SLC12A8: variants seen among roughly 807,000 people sequenced by gnomAD.
The protein encoded by SLC12A8 is cation-chloride cotransporter 9.
Under a neutral mutation model 75.6 loss-of-function variants are expected in SLC12A8, and 69 were observed. The ratio of observed to expected loss-of-function variants is 0.91; its 90% CI spans 0.75 to 1.11. The LOEUF (loss-of-function observed/expected upper bound fraction) is 1.11, where lower values mean the gene tolerates loss of function less well. SLC12A8 is among the 50% of genes most tolerant of loss of function. The pLI is 0.00. For synonymous variants in SLC12A8, 365 were observed against 372.8 expected (o/e 0.98, Z 0.24); for missense variants, 877 against 896.7 (o/e 0.98, Z 0.28).
Position 125,092,106 on chromosome 3 carries a change from A to C in SLC12A8, c.1798T>G (p.Leu600Val). The stretch of plus-strand genomic sequence containing the variant: ...ATCAAGATGAAGTTACTCACCCCCA[A>C]CAGGGAGACCCAGGGGTTGCACATG... Reference protein sequence around the residue: ...THMCNPWVSLLGAVGSLLIMF... With the variant: ...THMCNPWVSLVGAVGSLLIMF... Residue 600 changes from leucine to valine, a missense_variant, in exon 11 of 14, where the codon TTG (leucine) becomes GTG (valine). Physicochemically the swap from Leu to Val is conservative, Grantham distance 32. Coordinates refer to ENST00000469902, the MANE Select transcript of SLC12A8 (RefSeq NM_024628.6). 2.5e-6 allele frequency: 4 copies of C among 1,609,040 alleles called. No homozygotes were observed. The highest frequency in any genetic ancestry group is 2.6e-6 in the Non-Finnish European group (3 of 1,175,834).
At chr3:125,199,155 T>G (rs896501467) in intron 2 of SLC12A8, among the ~76,000 whole-genome samples, 1 of 152,154 alleles carries the variant, frequency 6.6e-6, no homozygotes, top group African/African-American at 2.4e-5. Flanking sequence ...ATTCTTGTTC[T>G]TAGGAAATAG....
chr3:125,136,459 C>A (rs576880859), intron 5 of SLC12A8, among the ~76,000 whole-genome samples: 2 of 152,312 alleles, frequency 1.3e-5, no homozygotes, highest in East Asian at 3.9e-4. Context: ...TATTCCTCCC[C>A]CCTCACTGCT....
chr3:125,143,372 T>C (rs1327182397), intron 5 of SLC12A8, among the ~76,000 whole-genome samples: 1 of 152,138 alleles, frequency 6.6e-6, no homozygotes, highest in Non-Finnish European at 1.5e-5. Context: ...TGCCTGGAGA[T>C]TTGGAAGAGG....
intron 10 of SLC12A8, among the ~76,000 whole-genome samples, chr3:125,102,507 T>C (rs1938907004): frequency 6.6e-6 from 1 of 152,128 alleles, no homozygotes; most frequent in Non-Finnish European, 1.5e-5. Flanking sequence ...TTTAGAAAGA[T>C]CATTCAGTGG....
At chr3:125,211,457 C>T in intron 1 of SLC12A8, 63 bp from the exon 2 acceptor site, 1 of 887,376 alleles carries the variant, frequency 1.1e-6, no homozygotes, top group Non-Finnish European at 1.9e-6. Context: ...TGTTGTCCAT[C>T]CTTTCTCTCT....
chr3:125,163,392 G>A (rs550287816), intron 5 of SLC12A8, among the ~76,000 whole-genome samples: 1 of 152,100 alleles, frequency 6.6e-6, no homozygotes, highest in East Asian at 1.9e-4. Context: ...CGGATCACGA[G>A]GTCGGGAGAT....
chr3:125,163,405 A>T (rs1299367097), intron 5 of SLC12A8, among the ~76,000 whole-genome samples: 1 of 151,940 alleles, frequency 6.6e-6, no homozygotes, highest in African/African-American at 2.4e-5. Context: ...CGGGAGATCG[A>T]GACCATCCTG....
intron 8 of SLC12A8, among the ~76,000 whole-genome samples, chr3:125,115,753 T>A (rs631640): frequency 2.6e-5 from 4 of 151,666 alleles, no homozygotes; most frequent in Admixed American, 1.3e-4. Flanking sequence ...TGGGAGCTGC[T>A]TGTGAACGAG....
intron 8 of SLC12A8, 163 bp from the exon 9 acceptor site, chr3:125,110,498 T>C: frequency 1.7e-6 from 1 of 592,478 alleles, no homozygotes; most frequent in East Asian, 2.9e-5. Flanking sequence ...CCCCATTCAT[T>C]CCATGGTTTC....
At chr3:125,164,258 G>C (rs758289349) in intron 5 of SLC12A8, among the ~76,000 whole-genome samples, 1 of 152,212 alleles carries the variant, frequency 6.6e-6, no homozygotes, top group Non-Finnish European at 1.5e-5. Context: ...GGAGTCAGGT[G>C]CCTCTGGGTT....
At chr3:125,166,433 G>A (rs1387715385) in intron 5 of SLC12A8, among the ~76,000 whole-genome samples, 1 of 152,078 alleles carries the variant, frequency 6.6e-6, no homozygotes, top group East Asian at 1.9e-4. Context: ...GCCAGTTTCC[G>A]TATTGGGACA....
At chr3:125,111,214 A>G (rs1939179561) in intron 8 of SLC12A8, among the ~76,000 whole-genome samples, 1 of 152,192 alleles carries the variant, frequency 6.6e-6, no homozygotes, top group African/African-American at 2.4e-5. Context: ...CTTGGTGCCC[A>G]ACACAGAAAT....
At chr3:125,182,090 CA>C (rs1934677075) in intron 4 of SLC12A8, among the ~76,000 whole-genome samples, 1 of 152,096 alleles carries the variant, frequency 6.6e-6, no homozygotes. Flanking sequence ...TTTGGGACAC[CA>C]AAGTGGGAGG....
At chr3:125,208,747 T>TACACACACAC (rs61130966) in intron 2 of SLC12A8, among the ~76,000 whole-genome samples, 16 of 87,428 alleles carry the variant, frequency 1.8e-4, no homozygotes, top group Non-Finnish European at 2.9e-4. Context: ...CTGACCAATC[T>TACACACACAC]ACACACACAC....
intron 4 of SLC12A8, among the ~76,000 whole-genome samples, chr3:125,185,004 G>A (rs1934741790): frequency 6.6e-6 from 1 of 152,050 alleles, no homozygotes; most frequent in South Asian, 2.1e-4. Context: ...ATATGCCGAT[G>A]CATTAGATAA....
chr3:125,205,011 G>C (rs963656039), intron 2 of SLC12A8, among the ~76,000 whole-genome samples: 1 of 152,014 alleles, frequency 6.6e-6, no homozygotes, highest in East Asian at 1.9e-4. Flanking sequence ...TACCACCAAA[G>C]ACCACCTCCT....
chr3:125,145,511 CTT>C (rs961015216), intron 5 of SLC12A8, among the ~76,000 whole-genome samples: 10 of 152,146 alleles, frequency 6.6e-5, no homozygotes, highest in African/African-American at 2.4e-4. Context: ...CACAGATGAA[CTT>C]TGAAGACCTC....
chr3:125,117,007 C>T (rs929131807), intron 8 of SLC12A8, among the ~76,000 whole-genome samples: 4 of 152,192 alleles, frequency 2.6e-5, no homozygotes, highest in Admixed American at 2.6e-4. Context: ...ACCTGGGGGT[C>T]TGTGACCTTG....
rs1933652009 is a variant in SLC12A8, at chr3:125,141,955, GACGCCCGAA to G, written c.623-6182_623-6174del. 2.0e-5 allele frequency among the ~76,000 whole-genome samples: 3 copies of G among 152,112 alleles called. No individual in the cohort carries two copies. The South Asian group carries it at 6.2e-4, about 32-fold the overall frequency. On this transcript the variant is annotated intron_variant, in intron 5 of 13. Transcript: ENST00000469902. ...GCTTCTGGGAAGGGACCCGCACGAC[GACGCCCGAA>G]GGGCGTCGGGGGAAGTGGTAGGCCC...
Sources: gnomAD v4.1 joint callset for allele counts (sites outside exome capture counted in the v4.1 genomes callset) on GRCh38, gnomAD v4.1.1 for gene constraint, MANE v1.5 for transcripts, NCBI Gene and HGNC (gene_info 2026-07-23, HGNC 2026-07-21) for gene names.